Variants in ALG9 observed in about 807,000 individuals in gnomAD.
ALG9 encodes ALG9 alpha-1,2-mannosyltransferase.
In ALG9, 55 loss-of-function variants were observed where a neutral mutation model predicts 81.8. The observed-to-expected ratio is 0.67, with a 90% CI of 0.54 to 0.84. ALG9 has a LOEUF of 0.84. Among genes scored for constraint, ALG9 ranks in the 40% least tolerant of loss-of-function variants. The pLI, the probability that ALG9 is intolerant of heterozygous loss-of-function variation, is 0.00. For synonymous variants in ALG9, 278 were observed against 274.3 expected (o/e 1.01, Z -0.13); for missense variants, 629 against 745.0 (o/e 0.84, Z 1.81).
At chr11:111,865,900 A>C (rs891432486) in intron 3 of ALG9, among the ~76,000 whole-genome samples, 3 of 152,242 alleles carry the variant, frequency 2.0e-5, no homozygotes, top group African/African-American at 4.8e-5. Flanking sequence ...AATTTAAAAA[A>C]TAAAAATAAT....
chr11:111,857,545 C>A, intron 6 of ALG9, 57 bp downstream of exon 6: 1 of 1,611,008 alleles, frequency 6.2e-7, no homozygotes, highest in Non-Finnish European at 8.5e-7. Flanking sequence ...GCTAATCCAA[C>A]ATTAAGATTT....
intron 9 of ALG9, among the ~76,000 whole-genome samples, 162 bp from the exon 10 acceptor site, chr11:111,840,971 C>A (rs1270974309): frequency 3.3e-5 from 5 of 152,122 alleles, no homozygotes; most frequent in Admixed American, 3.3e-4. Flanking sequence ...ATAAAGGCAT[C>A]AAAAGGAGAG....
chr11:111,822,408 CA>C (rs56367678), intron 13 of ALG9, among the ~76,000 whole-genome samples: 7 of 66,536 alleles, frequency 1.1e-4, no homozygotes, highest in South Asian at 7.2e-4. Context: ...AACTCAGTCT[CA>C]AAAAAAAAAA....
At chr11:111,780,040 A>G (rs896483558), downstream of ALG9, among the ~76,000 whole-genome samples, 2 of 152,190 alleles carry the variant, frequency 1.3e-5, no homozygotes, top group African/African-American at 4.8e-5. Flanking sequence ...TTGCTACTTA[A>G]TATTATTCAA....
chr11:111,853,080 T>TAA (rs200952010), intron 8 of ALG9, among the ~76,000 whole-genome samples: 1 of 140,440 alleles, frequency 7.1e-6, no homozygotes, highest in African/African-American at 2.6e-5. Flanking sequence ...AACTTTTAAT[T>TAA]AAAAAAAAAA....
intron 13 of ALG9, among the ~76,000 whole-genome samples, chr11:111,819,852 G>T (rs989750323): frequency 1.3e-5 from 2 of 152,156 alleles, no homozygotes; most frequent in African/African-American, 4.8e-5. Context: ...TACAGTACCT[G>T]GCATATCTCA....
At chr11:111,773,634 G>A in the ALG9 span, among the ~76,000 whole-genome samples, 1 of 152,058 alleles carries the variant, frequency 6.6e-6, no homozygotes, top group Non-Finnish European at 1.5e-5. Context: ...AGTGTTCTCA[G>A]GCCAGAACCC....
intron 1 of ALG9, among the ~76,000 whole-genome samples, 156 bp from the exon 2 acceptor site, chr11:111,870,526 C>G (rs1280608165): frequency 1.3e-5 from 2 of 151,572 alleles, no homozygotes; most frequent in Non-Finnish European, 2.9e-5. Context: ...GTTGTTTTTT[C>G]TCAGTAAAAT....
At chr11:111,775,664 C>T in the ALG9 span, among the ~76,000 whole-genome samples, 10 of 152,192 alleles carry the variant, frequency 6.6e-5, no homozygotes, top group East Asian at 7.7e-4. Context: ...CACTTAAGCC[C>T]GGGAGTTTGA....
rs545550407 is a variant in ALG9, at chr11:111,857,764, G to A, written c.566-27C>T. 5.7e-5 allele frequency: 92 copies of A among 1,613,394 alleles called. No homozygotes were observed. In the South Asian group the frequency reaches 9.0e-4, roughly 16 times the overall value. On this transcript the variant is annotated intron_variant, in intron 5 of 14. Transcript: ENST00000616540. ...TGCAAGAGTAAAGAAGTGAAAAAAGGCAGGAGGACAAGAGCTCGAGGTTAA... is the reference window on the plus strand; with the variant it reads ...TGCAAGAGTAAAGAAGTGAAAAAAGACAGGAGGACAAGAGCTCGAGGTTAA...
intron 8 of ALG9, among the ~76,000 whole-genome samples, chr11:111,853,069 T>A (rs1592301592): frequency 7.4e-6 from 1 of 135,560 alleles, no homozygotes; most frequent in Admixed American, 7.5e-5. Flanking sequence ...GAGAAAAAAG[T>A]AACTTTTAAT....
chr11:111,817,263 G>A (rs1555098371), intron 13 of ALG9: 1 of 152,282 alleles, frequency 6.6e-6, no homozygotes, highest in Non-Finnish European at 1.5e-5. Context: ...TACTAGCTAT[G>A]CTGCGGAGGA....
chr11:111,825,328 T>C (rs371765272), intron 13 of ALG9, among the ~76,000 whole-genome samples: 3 of 152,206 alleles, frequency 2.0e-5, no homozygotes, highest in East Asian at 1.9e-4. Flanking sequence ...ACATGAACCC[T>C]TGTCTTTAAA....
chr11:111,826,800 C>T (rs1953387133), intron 13 of ALG9, among the ~76,000 whole-genome samples: 1 of 152,136 alleles, frequency 6.6e-6, no homozygotes, highest in Admixed American at 6.5e-5. Flanking sequence ...ATCTCCTCTC[C>T]TCCGTCTCAT....
chr11:111,796,862 A>C (rs191643420), intron 14 of ALG9, among the ~76,000 whole-genome samples: 2 of 152,316 alleles, frequency 1.3e-5, no homozygotes, highest in Non-Finnish European at 2.9e-5. Context: ...ACTGCTTAGG[A>C]GGGAGAACTA....
At chr11:111,871,023 G>C (rs1555158159) in intron 1 of ALG9, 8 of 1,066,086 alleles carry the variant, frequency 7.5e-6, no homozygotes, top group African/African-American at 1.7e-5. Flanking sequence ...AGAATAAAAG[G>C]AGCTGTGAGG....
chr11:111,768,553 G>A, the ALG9 span: 1 of 151,256 alleles, frequency 6.6e-6, no homozygotes, highest in Admixed American at 6.6e-5. Flanking sequence ...TGAGCCTAGG[G>A]GTTCATGACC....
intron 13 of ALG9, among the ~76,000 whole-genome samples, chr11:111,831,584 C>G (rs1954387655): frequency 6.6e-6 from 1 of 152,128 alleles, no homozygotes. Context: ...GAATGATTAG[C>G]TATCACACAA....
chr11:111,808,239 C>G (rs1229942198), intron 14 of ALG9, among the ~76,000 whole-genome samples: 1 of 152,246 alleles, frequency 6.6e-6, no homozygotes, highest in African/African-American at 2.4e-5. Context: ...CTCAAGAACT[C>G]AGGTGCCTCT....
Sources: allele counts gnomAD v4.1 joint callset (sites outside exome capture counted in the v4.1 genomes callset), GRCh38; gene constraint gnomAD v4.1.1; transcripts MANE v1.5; gene names NCBI Gene and HGNC (gene_info 2026-07-23, HGNC 2026-07-21).